HIPK1: variants seen among roughly 807,000 people sequenced by gnomAD.
HIPK1 encodes the protein homeodomain interacting protein kinase 1.
A neutral mutation model predicts 117.1 loss-of-function variants in HIPK1; 28 were observed. The observed-to-expected ratio is 0.24, with a 90% CI of 0.18 to 0.33. The LOEUF (loss-of-function observed/expected upper bound fraction) is 0.33, where lower values mean the gene tolerates loss of function less well. Ranked by LOEUF, HIPK1 falls within the 10% of genes least tolerant of loss-of-function variation. The pLI, the probability that HIPK1 is intolerant of heterozygous loss-of-function variation, is 1.00. For missense variants in HIPK1, 1,122 were observed against 1,475.1 expected, an observed-to-expected ratio of 0.76 and a Z score of 3.92; for synonymous variants, 605 against 562.5, an observed-to-expected ratio of 1.08 and a Z score of -1.07.
intron 1 of HIPK1, among the ~76,000 whole-genome samples, chr1:113,936,167 T>C (rs1258878129): frequency 6.6e-6 from 1 of 152,206 alleles, no homozygotes. Flanking sequence ...AGCCACACTG[T>C]AAGAACCCCG....
At position 113,952,826 on chromosome 1, in the gene HIPK1, C is replaced by T; in HGVS notation, c.1137C>T (p.Gly379=). The change falls in exon 3 of 16, where the codon GGC becomes GGT. Residue 379 remains glycine, a synonymous_variant. Coordinates refer to ENST00000426820, the MANE Select transcript of HIPK1 (RefSeq NM_198268.3). ...FCEAIDMWSL[G]CVIAELFLGW... is the part of the protein sequence containing the mutation. ...AAGCTATTGATATGTGGTCACTGGGCTGTGTGATAGCTGAGCTGTTCCTGG... is the reference window on the plus strand; with the variant it reads ...AAGCTATTGATATGTGGTCACTGGGTTGTGTGATAGCTGAGCTGTTCCTGG... The T allele has an allele frequency of 6.4e-7, 1 of 1,554,632 alleles. No individual in the cohort carries two copies. Among genetic ancestry groups the T allele is most frequent in the East Asian group, 2.4e-5 (1 of 41,678 alleles).
At chr1:113,950,765 A>C (rs558497841) in intron 2 of HIPK1, among the ~76,000 whole-genome samples, 6 of 152,330 alleles carry the variant, frequency 3.9e-5, no homozygotes, top group Admixed American at 6.5e-5. Flanking sequence ...GGCTTCCCAA[A>C]GTGCTGGGAT....
intron 4 of HIPK1, 131 bp downstream of exon 4, chr1:113,954,901 A>G: frequency 1.2e-6 from 1 of 819,414 alleles, no homozygotes; most frequent in Non-Finnish European, 1.9e-6. Flanking sequence ...TTGAAAAATT[A>G]TTTCTTTGTA....
intron 11 of HIPK1, among the ~76,000 whole-genome samples, chr1:113,967,291 G>T (rs1672514707): frequency 6.6e-6 from 1 of 152,110 alleles, no homozygotes; most frequent in African/African-American, 2.4e-5. Context: ...GTTTTTACAG[G>T]AACCTCCAAA....
intron 1 of HIPK1, among the ~76,000 whole-genome samples, chr1:113,936,704 C>T (rs1376653641): frequency 1.3e-5 from 2 of 152,190 alleles, no homozygotes; most frequent in Admixed American, 6.5e-5. Flanking sequence ...ACCTCATGAT[C>T]TGCCTGCCTT....
At chr1:113,969,879 C>CA in intron 13 of HIPK1, 77 bp from the exon 14 acceptor site, 1 of 1,533,354 alleles carries the variant, frequency 6.5e-7, no homozygotes, top group Non-Finnish European at 8.9e-7. Flanking sequence ...TGCACTCCAG[C>CA]CTGGGTGACA....
intron 1 of HIPK1, among the ~76,000 whole-genome samples, chr1:113,937,485 C>G (rs535419105): frequency 6.6e-6 from 1 of 151,750 alleles, no homozygotes; most frequent in South Asian, 2.1e-4. Context: ...AATCAAGGAT[C>G]GAGCATTTGA....
intron 14 of HIPK1, among the ~76,000 whole-genome samples, chr1:113,970,467 C>T (rs112548774): frequency 1.6e-4 from 24 of 152,258 alleles, no homozygotes; most frequent in East Asian, 5.8e-4. Context: ...GCAGACAAGA[C>T]GTGTGATATT....
chr1:113,937,712 A>C (rs941162872), intron 1 of HIPK1, among the ~76,000 whole-genome samples: 1 of 152,142 alleles, frequency 6.6e-6, no homozygotes, highest in Non-Finnish European at 1.5e-5. Context: ...CTTTCAAGTT[A>C]ACAGGTTGCT....
At chr1:113,939,321 T>C (rs1670485329) in intron 1 of HIPK1, among the ~76,000 whole-genome samples, 1 of 133,070 alleles carries the variant, frequency 7.5e-6, no homozygotes, top group Admixed American at 8.3e-5. Flanking sequence ...GCTAACTTTT[T>C]TTTCTGTTTT....
At chr1:113,953,485 A>T (rs1671501682) in intron 3 of HIPK1, among the ~76,000 whole-genome samples, 1 of 152,120 alleles carries the variant, frequency 6.6e-6, no homozygotes, top group Non-Finnish European at 1.5e-5. Context: ...ATGGAAGTAA[A>T]TTGTGAATTC....
intron 6 of HIPK1, 127 bp from the exon 7 acceptor site, chr1:113,956,997 C>T: frequency 1.1e-6 from 1 of 921,162 alleles, no homozygotes; most frequent in Non-Finnish European, 1.7e-6. Context: ...TATGATTATA[C>T]AAATTCTTGA....
Position 113,968,469 on chromosome 1 carries a change from A to G in HIPK1, c.2592A>G (p.Gln864=). 6.2e-7 allele frequency: 1 copy of G among 1,613,920 alleles called. No homozygotes were observed. The highest frequency in any genetic ancestry group is 8.5e-7 in the Non-Finnish European group (1 of 1,179,822). ...SKSSLDVLPS[Q]VYSLVGSSPL... ...CCTCTCTAGATGTTCTGCCTTCCCA[A>G]GTCTATTCTCTGGTTGGGAGCAGTC... The change falls in exon 13 of 16, where the codon CAA becomes CAG. Residue 864 remains glutamine, a synonymous_variant. Transcript: ENST00000426820.
intron 8 of HIPK1, among the ~76,000 whole-genome samples, chr1:113,959,524 CA>C (rs1396353750): frequency 1.3e-5 from 2 of 152,130 alleles, no homozygotes; most frequent in Admixed American, 1.3e-4. Context: ...CTTTTTTCAC[CA>C]CTTTTTCCGA....
chr1:113,960,135 C>T (rs1671998596), intron 8 of HIPK1, among the ~76,000 whole-genome samples: 1 of 152,144 alleles, frequency 6.6e-6, no homozygotes. Flanking sequence ...TTTTCTTGGA[C>T]TATCTGTTCT....
Position 113,929,966 on chromosome 1 carries a change from C to T in HIPK1, c.-3+434C>T, listed in dbSNP as rs569897325. 1.1e-3 allele frequency: 1,130 copies of T among 985,366 alleles called. 10 individuals carry two copies. The African/African-American group carries it at 0.016, about 14-fold the overall frequency. The allele number at this position is 985,366 out of a possible 1,614,324, so 61.0% of individuals were successfully genotyped here. Reference sequence around the variant, plus strand: ...TGAGTGGGGACGGGCAGGAGGGGTCCTCGGCGGGGAGCGACTTCCCCTCAG... The same window carrying T: ...TGAGTGGGGACGGGCAGGAGGGGTCTTCGGCGGGGAGCGACTTCCCCTCAG... On this transcript the variant is annotated intron_variant, in intron 1 of 15. Coordinates refer to ENST00000426820, the MANE Select transcript of HIPK1 (RefSeq NM_198268.3).
intron 3 of HIPK1, among the ~76,000 whole-genome samples, chr1:113,953,418 T>G (rs1201080240): frequency 6.6e-6 from 1 of 152,204 alleles, no homozygotes; most frequent in Non-Finnish European, 1.5e-5. Context: ...AGACAAACTT[T>G]AGGAGATATG....
chr1:113,968,729 A>G lies in HIPK1; in HGVS notation c.2771+81A>G, dbSNP rs886669712. ...AAGTGGGCCCAGTTTGGCCTGTGAA[A>G]GAAAGGACCGGTGGGGCATGGTGGC... On this transcript the variant is annotated intron_variant, in intron 13 of 15. Coordinates refer to ENST00000426820, the MANE Select transcript of HIPK1 (RefSeq NM_198268.3). The G allele has an allele frequency of 3.4e-6, 4 of 1,172,632 alleles. No homozygotes were observed. In the South Asian group the frequency reaches 3.8e-5, roughly 11 times the overall value. 72.6% of individuals were successfully genotyped at this position (1,172,632 alleles called of 1,614,324 possible).
At chr1:113,943,119 A>G (rs1374427399) in intron 2 of HIPK1, among the ~76,000 whole-genome samples, 2 of 152,218 alleles carry the variant, frequency 1.3e-5, no homozygotes, top group Admixed American at 6.5e-5. Context: ...GAAATTTACA[A>G]TTTTAACCAT....
Sources: gnomAD v4.1 joint callset for allele counts (sites outside exome capture counted in the v4.1 genomes callset) on GRCh38, gnomAD v4.1.1 for gene constraint, MANE v1.5 for transcripts, NCBI Gene and HGNC (gene_info 2026-07-23, HGNC 2026-07-21) for gene names.